Variants in MOGAT2 observed in about 807,000 individuals in gnomAD.
MOGAT2 encodes monoacylglycerol O-acyltransferase 2.
MOGAT2 carries 27 observed loss-of-function variants against 31.5 expected under a neutral mutation model. That is an observed-to-expected ratio of 0.86 (90% CI 0.63 to 1.18). The LOEUF (loss-of-function observed/expected upper bound fraction) is 1.18. MOGAT2 is among the 50% of genes most tolerant of loss of function. The pLI, the probability that MOGAT2 is intolerant of heterozygous loss-of-function variation, is 0.00. For missense variants in MOGAT2, 436 were observed against 433.2 expected (o/e 1.01, Z -0.06); for synonymous variants, 163 against 170.0 (o/e 0.96, Z 0.32).
rs1944479586 is a variant in MOGAT2 at position 75,731,480 on chromosome 11, G to A, written c.*194G>A. The stretch of plus-strand genomic sequence containing the variant: ...CAAGGGGTCAGCTGGGGCTAGGACA[G>A]TGAGGGCTGCTAGAGGGGCTGGGCC... On this transcript the variant is annotated 3_prime_UTR_variant, in exon 6 of 6. Coordinates refer to ENST00000198801, the MANE Select transcript of MOGAT2 (RefSeq NM_025098.4). The A allele has an allele frequency of 1.8e-6, 1 of 552,300 alleles. No individual in the cohort carries two copies. Among genetic ancestry groups the A allele is most frequent in the Non-Finnish European group, 2.9e-6 (1 of 345,196 alleles). 34.2% of individuals were successfully genotyped at this position (552,300 alleles called of 1,614,324 possible).
At chr11:75,721,086 A>C (rs1300432952) in intron 2 of MOGAT2, among the ~76,000 whole-genome samples, 1 of 152,050 alleles carries the variant, frequency 6.6e-6, no homozygotes, top group Non-Finnish European at 1.5e-5. Flanking sequence ...GGAGAGAAGA[A>C]AGGGGTAAGA....
At chr11:75,720,226 G>A (rs1944366240) in intron 2 of MOGAT2, 56 bp downstream of exon 2, 7 of 1,563,116 alleles carry the variant, frequency 4.5e-6, no homozygotes, top group Non-Finnish European at 6.1e-6. Flanking sequence ...TGTGGTCAGG[G>A]CCAGAGTGCC....
intron 2 of MOGAT2, among the ~76,000 whole-genome samples, chr11:75,720,774 T>C (rs2135731388): frequency 6.6e-6 from 1 of 152,254 alleles, no homozygotes; most frequent in African/African-American, 2.4e-5. Context: ...CCCATGTATC[T>C]AGTAAGTACA....
chr11:75,727,344 G>A (rs1944429600), intron 2 of MOGAT2, 91 bp from the exon 3 acceptor site: 2 of 1,229,654 alleles, frequency 1.6e-6, no homozygotes, highest in Admixed American at 2.1e-5. Context: ...GAGGCTCAGA[G>A]GGGAGGTTTC....
intron 2 of MOGAT2, among the ~76,000 whole-genome samples, chr11:75,725,645 A>G (rs573380922): frequency 3.7e-4 from 57 of 152,372 alleles, no homozygotes; most frequent in African/African-American, 1.3e-3. Flanking sequence ...GATGGGGCAG[A>G]CAGGCTCCAG....
chr11:75,727,351 T>TC (rs1944429770), intron 2 of MOGAT2, 84 bp from the exon 3 acceptor site: 13 of 1,343,166 alleles, frequency 9.7e-6, no homozygotes, highest in Middle Eastern at 2.6e-4. Context: ...AGAGGGGAGG[T>TC]TTCCCAAGGT....
At chr11:75,728,766 C>T (rs777052092) in intron 4 of MOGAT2, 24 bp from the exon 5 acceptor site, 3 of 1,607,578 alleles carry the variant, frequency 1.9e-6, no homozygotes, top group Non-Finnish European at 2.6e-6. Context: ...TCCCACATGC[C>T]CTCTTTCCTC....
At chr11:75,730,380 C>T (rs748709729) in intron 5 of MOGAT2, among the ~76,000 whole-genome samples, 11 of 152,070 alleles carry the variant, frequency 7.2e-5, no homozygotes, top group Non-Finnish European at 1.3e-4. Flanking sequence ...GAAATATAGC[C>T]GCTTCCATTC....
Position 75,731,506 on chromosome 11 carries a change from T to C in MOGAT2, c.*220T>C, listed in dbSNP as rs1415371149. 8 of 523,670 alleles carry C rather than the reference T, an allele frequency of 1.5e-5. No homozygotes were observed. The highest frequency in any genetic ancestry group is 6.7e-5 in the Admixed American group (2 of 29,850). 32.4% of individuals were successfully genotyped at this position (523,670 alleles called of 1,614,324 possible). On this transcript the variant is annotated 3_prime_UTR_variant, in exon 6 of 6. Coordinates refer to ENST00000198801, the MANE Select transcript of MOGAT2 (RefSeq NM_025098.4). ...TGAGGGCTGCTAGAGGGGCTGGGCCTCTCTTTGCACATGGACACTGGGCCC... is the reference window on the plus strand; with the variant it reads ...TGAGGGCTGCTAGAGGGGCTGGGCCCCTCTTTGCACATGGACACTGGGCCC...
At chr11:75,724,925 G>A (rs527528507) in intron 2 of MOGAT2, among the ~76,000 whole-genome samples, 20 of 152,272 alleles carry the variant, frequency 1.3e-4, no homozygotes, top group African/African-American at 4.8e-4. Flanking sequence ...ACTTCTCTAT[G>A]GTGACACAAC....
Position 75,732,315 on chromosome 11 carries a change from C to G in MOGAT2, c.*1029C>G, listed in dbSNP as rs1453306441. 2 of 152,362 alleles carry G rather than the reference C, an allele frequency of 1.3e-5. No homozygotes were observed. The highest frequency in any genetic ancestry group is 4.8e-5 in the African/African-American group (2 of 41,444). 9.4% of individuals were successfully genotyped at this position (152,362 alleles called of 1,614,324 possible). A position where few individuals can be genotyped will look rare whatever the true frequency, so the allele number is the denominator to read the frequency against. The stretch of plus-strand genomic sequence containing the variant: ...GCAAGCATTCCCACTTCACCTTCCT[C>G]CATTCAGTCTGCTGCCAAGTTCCCC... On this transcript the variant is annotated 3_prime_UTR_variant, in exon 6 of 6. Coordinates refer to ENST00000198801, the MANE Select transcript of MOGAT2 (RefSeq NM_025098.4).
intron 4 of MOGAT2, chr11:75,728,549 G>T (rs1187957441): frequency 1.7e-6 from 1 of 587,664 alleles, no homozygotes; most frequent in South Asian, 2.0e-5. Flanking sequence ...ACTCTCTGAA[G>T]CATTCTGGTC....
In MOGAT2 at chr11:75,720,302, C is replaced by G. The variant is rs57457634; in HGVS notation, c.270+132C>G. ...AGGGTACTGGGCTGGGAGGCAGGAG[C>G]TAGGGCTTCCGCTACTATGTGACCT... is the stretch of plus-strand genomic sequence containing the variant. On this transcript the variant is annotated intron_variant, in intron 2 of 5. Transcript: ENST00000198801. 2,484 of 948,568 alleles carry G rather than the reference C, an allele frequency of 2.6e-3. 46 individuals are homozygous for G. In the African/African-American group the frequency reaches 0.037, roughly 14 times the overall value. 58.8% of individuals were successfully genotyped at this position (948,568 alleles called of 1,614,324 possible).
In MOGAT2 at chr11:75,720,082, G is replaced by A. The variant is rs779385453; in HGVS notation, c.182G>A (p.Arg61Gln). 1.3e-5 allele frequency: 21 copies of A among 1,614,086 alleles called. No homozygotes were observed. The highest frequency in any genetic ancestry group is 6.7e-5 in the East Asian group (3 of 44,902). ...TATGCGGCCTGGTGGTATCTGGACCGAGACAAGCCACGGCAGGGGGGCCGG... is the reference window on the plus strand; with the variant it reads ...TATGCGGCCTGGTGGTATCTGGACCAAGACAAGCCACGGCAGGGGGGCCGG... ...VLYAAWWYLD[R>Q]DKPRQGGRHI... The change falls in exon 2 of 6, where the codon CGA becomes CAA. Residue 61 changes from arginine to glutamine, a missense_variant. Transcript: ENST00000198801.
intron 1 of MOGAT2, among the ~76,000 whole-genome samples, chr11:75,718,889 C>T (rs1485658792): frequency 6.6e-6 from 1 of 152,096 alleles, no homozygotes; most frequent in Non-Finnish European, 1.5e-5. Context: ...TGAGGTTCAG[C>T]CTGTACACAG....
At position 75,728,850 on chromosome 11, in the gene MOGAT2, C is replaced by A. The variant is rs768320632; in HGVS notation, c.711C>A (p.Asn237Lys). The change falls in exon 5 of 6, where the codon AAC becomes AAA. Residue 237 changes from asparagine to lysine, a missense_variant. Physicochemically the swap from Asn to Lys is moderately conservative, Grantham distance 94. Transcript: ENST00000198801. ...ATGACCTATTTGACCAGATTCCCAA[C>A]TCTTCTGGCTCCTGGTTACGCTATA... ...GENDLFDQIP[N>K]SSGSWLRYIQ... 5 of 1,614,240 alleles carry A rather than the reference C, an allele frequency of 3.1e-6. No homozygotes were observed. The highest frequency in any genetic ancestry group is 3.4e-6 in the Non-Finnish European group (4 of 1,180,044).
chr11:75,729,929 G>C (rs925398810), intron 5 of MOGAT2, among the ~76,000 whole-genome samples: 1 of 151,652 alleles, frequency 6.6e-6, no homozygotes, highest in East Asian at 2.0e-4. Flanking sequence ...ATTTTTAGTA[G>C]AGACAGGGTT....
intron 4 of MOGAT2, 142 bp downstream of exon 4, chr11:75,728,286 G>A (rs1481049683): frequency 9.5e-7 from 1 of 1,050,060 alleles, no homozygotes. Context: ...TTATATTTTG[G>A]TGTCTTATGC....
intron 4 of MOGAT2, 146 bp downstream of exon 4, chr11:75,728,290 CT>C: frequency 1.0e-6 from 1 of 989,936 alleles, no homozygotes; most frequent in Non-Finnish European, 1.5e-6. Context: ...ATTTTGGTGT[CT>C]TATGCCCAAA....
Sources: allele counts gnomAD v4.1 joint callset (sites outside exome capture counted in the v4.1 genomes callset), GRCh38; gene constraint gnomAD v4.1.1; transcripts MANE v1.5; gene names NCBI Gene and HGNC (gene_info 2026-07-23, HGNC 2026-07-21).